Variants in ANO10 observed in about 807,000 individuals in gnomAD.
ANO10 encodes anoctamin-10.
Under a neutral mutation model 74.7 loss-of-function variants are expected in ANO10, and 77 were observed. The observed-to-expected ratio is 1.03, with a 90% CI of 0.86 to 1.25. The LOEUF is 1.25. Ranked by LOEUF, ANO10 falls within the 50% of genes most tolerant of loss-of-function variation. The probability of loss-of-function intolerance (pLI) is 0.00; values close to 1 mark genes in which losing one functional copy is unlikely to be tolerated. For missense variants in ANO10, 721 were observed against 778.1 expected (o/e 0.93, Z 0.87); for synonymous variants, 279 against 284.9 (o/e 0.98, Z 0.21).
intron 1 of ANO10, among the ~76,000 whole-genome samples, chr3:43,658,965 T>C (rs1370144821): frequency 6.6e-6 from 1 of 152,176 alleles, no homozygotes; most frequent in Non-Finnish European, 1.5e-5. Flanking sequence ...TTATAAAGCA[T>C]TAAGTTGAAT....
intron 1 of ANO10, among the ~76,000 whole-genome samples, chr3:43,617,300 G>A (rs1187402215): frequency 6.6e-6 from 1 of 151,726 alleles, no homozygotes; most frequent in Non-Finnish European, 1.5e-5. Context: ...AGACTTCCTG[G>A]GCACCAGAGG....
chr3:43,468,887 C>A (rs1451524476), intron 11 of ANO10, among the ~76,000 whole-genome samples: 2 of 150,986 alleles, frequency 1.3e-5, no homozygotes, highest in Non-Finnish European at 3.0e-5. Flanking sequence ...AGTTTTTGTA[C>A]TTTTAGTAGA....
intron 11 of ANO10, among the ~76,000 whole-genome samples, chr3:43,472,249 T>C (rs2075886616): frequency 6.6e-6 from 1 of 151,984 alleles, no homozygotes; most frequent in Admixed American, 6.6e-5. Context: ...AGTTTGACAA[T>C]GGAGGGAAAT....
At chr3:43,624,085 A>C, upstream of ANO10, among the ~76,000 whole-genome samples, 1 of 152,212 alleles carries the variant, frequency 6.6e-6, no homozygotes, top group East Asian at 1.9e-4. Flanking sequence ...CATCTCCACA[A>C]TTAACAAATT....
At chr3:43,631,583 T>C (rs2083547674) in intron 1 of ANO10, among the ~76,000 whole-genome samples, 1 of 152,106 alleles carries the variant, frequency 6.6e-6, no homozygotes, top group Non-Finnish European at 1.5e-5. Context: ...CATAGTGCTT[T>C]TTTTTTCTTT....
At chr3:43,528,530 T>C (rs1474442970) in intron 11 of ANO10, among the ~76,000 whole-genome samples, 1 of 151,550 alleles carries the variant, frequency 6.6e-6, no homozygotes, top group Admixed American at 6.6e-5. Flanking sequence ...GAGAACAAAA[T>C]CATCTTAGAA....
chr3:43,582,308 C>T (rs968325253), intron 4 of ANO10, among the ~76,000 whole-genome samples: 8 of 151,802 alleles, frequency 5.3e-5, no homozygotes, highest in East Asian at 3.9e-4. Context: ...AAAAATTAGC[C>T]GGGCGTGGTG....
upstream of ANO10, among the ~76,000 whole-genome samples, chr3:43,624,534 C>T (rs536300477): frequency 2.6e-5 from 4 of 152,296 alleles, no homozygotes; most frequent in South Asian, 8.3e-4. Flanking sequence ...TGCTCCTGCT[C>T]TCGCCATGTG....
chr3:43,366,831 A>G lies in ANO10; in HGVS notation c.*75T>C. 1 of 1,438,702 alleles carries G rather than the reference A, an allele frequency of 7.0e-7. No homozygotes were observed. Among genetic ancestry groups the G allele is most frequent in the South Asian group, 1.2e-5 (1 of 81,802 alleles). The allele number at this position is 1,438,702 out of a possible 1,614,324, so 89.1% of individuals were successfully genotyped here. A position where few individuals can be genotyped will look rare whatever the true frequency, so the allele number is the denominator to read the frequency against. On this transcript the variant is annotated 3_prime_UTR_variant, in exon 13 of 13. Coordinates refer to ENST00000292246, the MANE Select transcript of ANO10 (RefSeq NM_018075.5). ...CAGGAGCCACGATGCTGCCCCGGGTACCCCCCCTGCCACCGTGGCAGGTGT... is the reference window on the plus strand; with the variant it reads ...CAGGAGCCACGATGCTGCCCCGGGTGCCCCCCCTGCCACCGTGGCAGGTGT...
chr3:43,548,358 TAA>T, intron 11 of ANO10, among the ~76,000 whole-genome samples: 1 of 152,250 alleles, frequency 6.6e-6, no homozygotes, highest in Non-Finnish European at 1.5e-5. Context: ...CCACAGGTCA[TAA>T]ATCAGCCTTG....
intron 11 of ANO10, among the ~76,000 whole-genome samples, chr3:43,471,443 G>A (rs775506888): frequency 7.2e-5 from 11 of 152,148 alleles, no homozygotes; most frequent in Non-Finnish European, 1.5e-4. Context: ...TGCCGCAGAG[G>A]AGGAGTGTTC....
intron 11 of ANO10, among the ~76,000 whole-genome samples, chr3:43,518,266 T>C (rs2077795473): frequency 6.6e-6 from 1 of 152,176 alleles, no homozygotes; most frequent in Non-Finnish European, 1.5e-5. Context: ...CTACAATCTC[T>C]GAACATAAAT....
intron 3 of ANO10, among the ~76,000 whole-genome samples, chr3:43,600,072 G>T (rs2149480521): frequency 6.6e-6 from 1 of 152,304 alleles, no homozygotes; most frequent in African/African-American, 2.4e-5. Context: ...AGTTACATGT[G>T]TTCCTCTAAT....
At chr3:43,472,989 A>G (rs1323812439) in intron 11 of ANO10, among the ~76,000 whole-genome samples, 1 of 151,824 alleles carries the variant, frequency 6.6e-6, no homozygotes, top group East Asian at 1.9e-4. Flanking sequence ...ATGAATGACA[A>G]CTACAGAATT....
chr3:43,576,999 C>T lies in ANO10; in HGVS notation c.855G>A (p.Arg285=), dbSNP rs201848805. The part of the protein sequence containing the change: ...LLMKRKFEEP[R]PGFHGVLGIN... ...TACCCAAGACACCATGAAATCCTGGCCGGGGCTCCTCAAACTTTCTCTTCA... is the reference window on the plus strand; with the variant it reads ...TACCCAAGACACCATGAAATCCTGGTCGGGGCTCCTCAAACTTTCTCTTCA... The change falls in exon 6 of 13, where the codon CGG becomes CGA. Residue 285 remains arginine (R), a synonymous_variant. Transcript: ENST00000292246. 97 of 1,613,770 alleles carry T rather than the reference C, an allele frequency of 6.0e-5. No individual in the cohort carries two copies. The highest frequency in any genetic ancestry group is 7.5e-5 in the Non-Finnish European group (89 of 1,179,682).
At chr3:43,592,060 G>A (rs970059811) in intron 4 of ANO10, among the ~76,000 whole-genome samples, 22 of 152,144 alleles carry the variant, frequency 1.4e-4, no homozygotes, top group Middle Eastern at 6.8e-3. Context: ...AGGGGCGCCC[G>A]CCATTGCTGA....
intron 12 of ANO10, among the ~76,000 whole-genome samples, chr3:43,384,776 T>A (rs2092068990): frequency 6.6e-6 from 1 of 152,194 alleles, no homozygotes; most frequent in African/African-American, 2.4e-5. Flanking sequence ...AACTCAAGAT[T>A]AATCAAAGAC....
At chr3:43,440,195 C>T (rs2093138521) in intron 11 of ANO10, among the ~76,000 whole-genome samples, 1 of 152,002 alleles carries the variant, frequency 6.6e-6, no homozygotes, top group Non-Finnish European at 1.5e-5. Context: ...TAAGTCTGCT[C>T]TATCAGTAAT....
intron 1 of ANO10, among the ~76,000 whole-genome samples, chr3:43,657,640 G>A (rs1287548534): frequency 1.3e-5 from 2 of 152,214 alleles, no homozygotes; most frequent in Admixed American, 6.5e-5. Context: ...AATCTGACTG[G>A]CGGCATCTGC....
Sources: gnomAD v4.1 joint callset for allele counts (sites outside exome capture counted in the v4.1 genomes callset) on GRCh38, gnomAD v4.1.1 for gene constraint, MANE v1.5 for transcripts, NCBI Gene and HGNC (gene_info 2026-07-23, HGNC 2026-07-21) for gene names.